The following VAT1L variants were observed in gnomAD, a reference collection of about 807,000 sequenced individuals.
VAT1L encodes the protein putative NADPH-dependent quinone oxidoreductase VAT1L.
VAT1L carries 34 observed loss-of-function variants against 44.1 expected under a neutral mutation model. The ratio of observed to expected loss-of-function variants is 0.77; its 90% CI spans 0.59 to 1.03. The LOEUF is 1.03. Among genes scored for constraint, VAT1L ranks in the 50% least tolerant of loss-of-function variants. The pLI, the probability that VAT1L is intolerant of heterozygous loss-of-function variation, is 0.00. For missense variants in VAT1L, 615 were observed against 538.8 expected, an observed-to-expected ratio of 1.14 and a Z score of -1.40; for synonymous variants, 253 against 202.2, an observed-to-expected ratio of 1.25 and a Z score of -2.13.
chr16:77,946,907 T>G (rs2017974692), intron 7 of VAT1L, among the ~76,000 whole-genome samples: 1 of 152,194 alleles, frequency 6.6e-6, no homozygotes. Flanking sequence ...CCATCCCTAG[T>G]TGGCCTCTGA....
At chr16:77,912,338 A>G (rs1233397885) in intron 7 of VAT1L, among the ~76,000 whole-genome samples, 3 of 152,220 alleles carry the variant, frequency 2.0e-5, no homozygotes, top group South Asian at 4.1e-4. Context: ...TATGAGTTCA[A>G]TAAACAAAAT....
intron 3 of VAT1L, among the ~76,000 whole-genome samples, chr16:77,848,282 G>C (rs977689140): frequency 6.6e-6 from 1 of 152,168 alleles, no homozygotes; most frequent in African/African-American, 2.4e-5. Flanking sequence ...TTTCATCCTG[G>C]AAATATTATA....
intron 7 of VAT1L, among the ~76,000 whole-genome samples, chr16:77,962,275 C>T (rs2018167851): frequency 6.6e-6 from 1 of 152,166 alleles, no homozygotes; most frequent in Non-Finnish European, 1.5e-5. Context: ...CTCATGTGGT[C>T]TTGGGGCCAT....
chr16:77,883,799 G>A (rs1049026429), intron 6 of VAT1L, among the ~76,000 whole-genome samples: 1 of 151,774 alleles, frequency 6.6e-6, no homozygotes, highest in Admixed American at 6.6e-5. Flanking sequence ...ATCCCTACCC[G>A]CCTCCCCAGA....
At chr16:77,794,553 G>A (rs954697172) in intron 1 of VAT1L, among the ~76,000 whole-genome samples, 46 of 152,210 alleles carry the variant, frequency 3.0e-4, no homozygotes, top group African/African-American at 1.1e-3. Flanking sequence ...CCAAACAACA[G>A]AGCATTAAAC....
At position 77,884,123 on chromosome 16, in the gene VAT1L, A is replaced by G. The variant is rs535866609; in HGVS notation, c.883-485A>G. Among the ~76,000 whole-genome samples the G allele has an allele frequency of 5.9e-5, 9 of 152,232 alleles. No homozygotes were observed. The highest frequency in any genetic ancestry group is 2.0e-4 in the Admixed American group (3 of 15,300). ...GAGCGTCTCATAAGCATCAATGTCTATTGCTTCCCATGCACTTGCAACAGT... is the reference window on the plus strand; with the variant it reads ...GAGCGTCTCATAAGCATCAATGTCTGTTGCTTCCCATGCACTTGCAACAGT... On this transcript the variant is annotated intron_variant, in intron 6 of 8. Transcript: ENST00000302536. This position sits in a 1 kb window ranked among gnomAD's most constrained non-coding sequence, Gnocchi z 4.5.
chr16:77,877,228 A>C (rs1157602552), intron 5 of VAT1L, among the ~76,000 whole-genome samples: 1 of 152,100 alleles, frequency 6.6e-6, no homozygotes, highest in Non-Finnish European at 1.5e-5. Context: ...TAGTCTCCAC[A>C]GGCCGGGCGC....
chr16:77,920,927 C>CTG (rs10553687), intron 7 of VAT1L, among the ~76,000 whole-genome samples: 15,059 of 150,700 alleles, frequency 0.1, 730 homozygotes, highest in South Asian at 0.15. Context: ...TGTCATATGA[C>CTG]TGTGTGTGTG....
At position 77,882,291 on chromosome 16, in the gene VAT1L, C is replaced by T. The variant is rs1232258419; in HGVS notation, c.883-2317C>T. Reference sequence around the variant, plus strand: ...TCTTAATGATGTTGCATCTTAAAATCGCTGCAGTTTGTGCCTCACTATTTG... The same window carrying T: ...TCTTAATGATGTTGCATCTTAAAATTGCTGCAGTTTGTGCCTCACTATTTG... On this transcript the variant is annotated intron_variant, in intron 6 of 8. Coordinates refer to ENST00000302536, the MANE Select transcript of VAT1L (RefSeq NM_020927.3). The T allele has an allele frequency of 1.3e-5, 2 of 152,212 alleles. 1 individual carries two copies. The highest frequency in any genetic ancestry group is 2.9e-5 in the Non-Finnish European group (2 of 68,038). 9.4% of individuals were successfully genotyped at this position (152,212 alleles called of 1,614,324 possible).
chr16:77,819,189 A>G (rs2016406615), intron 2 of VAT1L, among the ~76,000 whole-genome samples: 1 of 152,132 alleles, frequency 6.6e-6, no homozygotes, highest in Admixed American at 6.5e-5. Flanking sequence ...AGTGATGGCC[A>G]TGAGCACCAC....
intron 1 of VAT1L, among the ~76,000 whole-genome samples, chr16:77,807,383 C>A (rs2016180124): frequency 6.6e-6 from 1 of 152,188 alleles, no homozygotes; most frequent in Non-Finnish European, 1.5e-5. Flanking sequence ...CTGGGGGCAG[C>A]CCTCATTCCT....
intron 3 of VAT1L, among the ~76,000 whole-genome samples, chr16:77,849,375 C>T (rs2016786941): frequency 6.6e-6 from 1 of 152,154 alleles, no homozygotes; most frequent in Non-Finnish European, 1.5e-5. Context: ...ATTCGTTCAT[C>T]CATTCATTCA....
At chr16:77,916,755 T>C (rs1233022551) in intron 7 of VAT1L, among the ~76,000 whole-genome samples, 2 of 152,034 alleles carry the variant, frequency 1.3e-5, no homozygotes, top group Non-Finnish European at 2.9e-5. Context: ...GCTTTTTAAA[T>C]TTACTCCTAC....
At chr16:77,908,870 C>T (rs2017469153) in intron 7 of VAT1L, among the ~76,000 whole-genome samples, 1 of 151,992 alleles carries the variant, frequency 6.6e-6, no homozygotes, top group Admixed American at 6.6e-5. Context: ...ACCGAGATGG[C>T]GCTACTGCAC....
At chr16:77,946,279 C>CGTTTTTTTTTTTTT (rs1223152362) in intron 7 of VAT1L, among the ~76,000 whole-genome samples, 3 of 70,428 alleles carry the variant, frequency 4.3e-5, no homozygotes, top group African/African-American at 1.6e-4. Context: ...GTTACTTGTT[C>CGTTTTTTTTTTTTT]TTTTTTTTTT....
intron 5 of VAT1L, among the ~76,000 whole-genome samples, chr16:77,877,449 C>G (rs1378869244): frequency 7.3e-6 from 1 of 137,774 alleles, no homozygotes; most frequent in Non-Finnish European, 1.5e-5. Context: ...GGAGGCGGAG[C>G]TGGCAGTGAG....
rs114964857 is a variant in VAT1L at position 77,866,982 on chromosome 16, C to T, written c.722+4092C>T. Reference sequence around the variant, plus strand: ...GTGGAGGGGGAAGCGTGAGAGAATCCACACAAGGGAATCTTGGACAGAACA... The same window carrying T: ...GTGGAGGGGGAAGCGTGAGAGAATCTACACAAGGGAATCTTGGACAGAACA... On this transcript the variant is annotated intron_variant, in intron 4 of 8. Transcript: ENST00000302536. 3.9e-4 allele frequency among the ~76,000 whole-genome samples: 59 copies of T among 152,240 alleles called. 1 individual carries two copies. The highest frequency in any genetic ancestry group is 1.3e-3 in the African/African-American group (56 of 41,532).
chr16:77,816,813 A>T, intron 1 of VAT1L, 108 bp from the exon 2 acceptor site: 2 of 1,350,260 alleles, frequency 1.5e-6, no homozygotes, highest in Non-Finnish European at 2.0e-6. Context: ...AGGAGTGAAG[A>T]AGGGAGGGAG....
chr16:77,862,007 T>C (rs1223050355), intron 3 of VAT1L, among the ~76,000 whole-genome samples: 1 of 152,240 alleles, frequency 6.6e-6, no homozygotes, highest in Non-Finnish European at 1.5e-5. Flanking sequence ...CAAATCGTTA[T>C]CTTAGGTTCG....
Sources: gnomAD v4.1 joint callset for allele counts (sites outside exome capture counted in the v4.1 genomes callset) on GRCh38, gnomAD v4.1.1 for gene constraint, Gnocchi (gnomAD v3.1) non-coding constraint, MANE v1.5 for transcripts, NCBI Gene and HGNC (gene_info 2026-07-23, HGNC 2026-07-21) for gene names.